Variants in DAB2 observed in about 807,000 individuals in gnomAD.
DAB2 encodes the protein disabled homolog 2.
A neutral mutation model predicts 71.6 loss-of-function variants in DAB2; 28 were observed. That is an observed-to-expected ratio of 0.39 (90% CI 0.29 to 0.54). DAB2 has a LOEUF of 0.54. Ranked by LOEUF, DAB2 falls within the 20% of genes least tolerant of loss-of-function variation. The probability of loss-of-function intolerance (pLI) is 0.68; values close to 1 mark genes in which losing one functional copy is unlikely to be tolerated. For synonymous variants in DAB2, 345 were observed against 339.7 expected (o/e 1.02, Z -0.17); for missense variants, 867 against 928.8 (o/e 0.93, Z 0.86).
chr5:39,381,392 G>GC (rs1454038186), intron 11 of DAB2, 62 bp downstream of exon 11: 14 of 1,513,830 alleles, frequency 9.2e-6, no homozygotes, highest in Admixed American at 1.7e-5. Context: ...CTCTTCCGAT[G>GC]CATCATCATT....
At chr5:39,378,185 G>A (rs1020729736) in intron 11 of DAB2, among the ~76,000 whole-genome samples, 23 of 152,292 alleles carry the variant, frequency 1.5e-4, no homozygotes, top group Middle Eastern at 3.4e-3. Context: ...TCAGGAATTC[G>A]TTAAATCGCC....
At chr5:39,377,305 A>G (rs776473999) in intron 11 of DAB2, 23 bp from the exon 12 acceptor site, 31 of 1,592,376 alleles carry the variant, frequency 1.9e-5, no homozygotes, top group Non-Finnish European at 2.4e-5. Context: ...GAAGAAAAAT[A>G]CTTATCAGGA....
chr5:39,400,057 T>C (rs997579413), intron 1 of DAB2, among the ~76,000 whole-genome samples: 1 of 152,194 alleles, frequency 6.6e-6, no homozygotes, highest in East Asian at 1.9e-4. Context: ...AAAAGTGCTT[T>C]GCCAGTCTCA....
chr5:39,376,339 A>G (rs1754829242), intron 12 of DAB2, among the ~76,000 whole-genome samples: 2 of 152,206 alleles, frequency 1.3e-5, no homozygotes, highest in Admixed American at 1.3e-4. Flanking sequence ...TTTTAAGCTG[A>G]TGGGACATGG....
chr5:39,421,369 T>C (rs1271628229), intron 1 of DAB2, among the ~76,000 whole-genome samples: 1 of 152,124 alleles, frequency 6.6e-6, no homozygotes, highest in Non-Finnish European at 1.5e-5. Context: ...ATTCCAAGTA[T>C]ATTAGATTAG....
At chr5:39,407,682 C>T (rs905606276) in intron 1 of DAB2, among the ~76,000 whole-genome samples, 2 of 152,262 alleles carry the variant, frequency 1.3e-5, no homozygotes, top group African/African-American at 4.8e-5. Flanking sequence ...CCACGTCCCT[C>T]TGTGACTTCA....
At chr5:39,388,878 A>G in intron 7 of DAB2, 26 bp from the exon 8 acceptor site, 1 of 1,590,778 alleles carries the variant, frequency 6.3e-7, no homozygotes, top group Non-Finnish European at 8.6e-7. Context: ...ATATTTAAGG[A>G]TTTAGTTGAG....
rs768253225 is a variant in DAB2, at chr5:39,383,068, G to C, written c.891C>G (p.Asp297Glu). 1 of 1,614,106 alleles carries C rather than the reference G, an allele frequency of 6.2e-7. No homozygotes were observed. The highest frequency in any genetic ancestry group is 8.5e-7 in the Non-Finnish European group (1 of 1,180,002). ...ATTGGTCTGGCTGTGTGAAAGGATC[G>C]TCACGGAAAGGATCAGGATTAGGGG... is the stretch of plus-strand genomic sequence containing the variant. ...FPTPNPDPFRDDPFTQPDQST... is the reference protein window; with the variant it reads ...FPTPNPDPFREDPFTQPDQST... Residue 297 changes from aspartate to glutamate, a missense_variant, in exon 10 of 15, where the codon GAC (aspartate) becomes GAG (glutamate). Coordinates refer to ENST00000320816, the MANE Select transcript of DAB2 (RefSeq NM_001343.4).
intron 14 of DAB2, among the ~76,000 whole-genome samples, chr5:39,373,858 A>AC (rs995399778): frequency 7.9e-5 from 12 of 152,158 alleles, no homozygotes; most frequent in African/African-American, 2.9e-4. Context: ...TTAAATATCT[A>AC]CTTACTGCTT....
rs368756831 is a variant in DAB2, at chr5:39,416,541, G to A, written c.-102+8263C>T. ...TGGCCACCTGCTCTCTGAAGAGGCC[G>A]TTGTCTTCTGTTTCCCCTAAACAGA... On this transcript the variant is annotated intron_variant, in intron 1 of 14. Transcript: ENST00000320816. Among the ~76,000 whole-genome samples, 13 of 152,250 alleles carry A rather than the reference G, an allele frequency of 8.5e-5. No homozygotes were observed. The East Asian group carries it at 1.7e-3, about 20-fold the overall frequency.
Position 39,382,919 on chromosome 5 carries a change from A to T in DAB2, c.1040T>A (p.Phe347Tyr). Residue 347 changes from phenylalanine to tyrosine, a missense_variant, in exon 10 of 15, where the codon TTT becomes TAT. By Grantham distance (22) the Phe-to-Tyr change is conservative (BLOSUM62 3). Coordinates refer to ENST00000320816, the MANE Select transcript of DAB2 (RefSeq NM_001343.4). ...NGDVDYFGQQ[F>Y]DQISNRTGKQ... ...GCCAGTCCGGTTAGAGATCTGGTCAAATTGCTGACCAAAGTAGTCAACATC... is the reference window on the plus strand; with the variant it reads ...GCCAGTCCGGTTAGAGATCTGGTCATATTGCTGACCAAAGTAGTCAACATC... The T allele has an allele frequency of 6.2e-7, 1 of 1,614,148 alleles. No individual in the cohort carries two copies. Among genetic ancestry groups the T allele is most frequent in the Non-Finnish European group, 8.5e-7 (1 of 1,180,018 alleles).
intron 1 of DAB2, among the ~76,000 whole-genome samples, chr5:39,424,258 TC>T (rs80352365): frequency 0.054 from 8,192 of 152,042 alleles, 500 homozygotes; most frequent in African/African-American, 0.15. Context: ...GTTTCTTAAG[TC>T]CCTTGGGTAG....
chr5:39,376,063 G>C lies in DAB2; in HGVS notation c.2181C>G (p.Thr727=). 1 of 1,613,974 alleles carries C rather than the reference G, an allele frequency of 6.2e-7. No homozygotes were observed. The highest frequency in any genetic ancestry group is 8.5e-7 in the Non-Finnish European group (1 of 1,179,948). Reference sequence around the variant, plus strand: ...TCTCAAATGCATTGTCAGTAGATTTGGTAACTGGCAGGGAAACTTGTCTGG... The same window carrying C: ...TCTCAAATGCATTGTCAGTAGATTTCGTAACTGGCAGGGAAACTTGTCTGG... ...PAPRQVSLPV[T]KSTDNAFENP... is the part of the protein sequence containing the mutation. The change falls in exon 13 of 15, where the codon ACC becomes ACG. Residue 727 remains threonine (T), a synonymous_variant. Transcript: ENST00000320816.
chr5:39,391,440 G>C (rs1488694852), intron 4 of DAB2, among the ~76,000 whole-genome samples: 1 of 152,114 alleles, frequency 6.6e-6, no homozygotes, highest in African/African-American at 2.4e-5. Context: ...GACAGATAAA[G>C]GCGACTGATA....
chr5:39,401,709 T>C (rs1755501204), intron 1 of DAB2, among the ~76,000 whole-genome samples: 2 of 151,154 alleles, frequency 1.3e-5, no homozygotes, highest in Non-Finnish European at 2.9e-5. Flanking sequence ...ACACTGCTGT[T>C]AAAGACATAC....
At chr5:39,420,285 A>T (rs572651880) in intron 1 of DAB2, among the ~76,000 whole-genome samples, 1 of 152,362 alleles carries the variant, frequency 6.6e-6, no homozygotes, top group Admixed American at 6.5e-5. Context: ...TTTGGGACTA[A>T]CATTTTGCAT....
At chr5:39,407,412 G>C (rs1405032138) in intron 1 of DAB2, among the ~76,000 whole-genome samples, 1 of 152,172 alleles carries the variant, frequency 6.6e-6, no homozygotes, top group Non-Finnish European at 1.5e-5. Flanking sequence ...TAGAGACAGG[G>C]TTTCACCATT....
intron 1 of DAB2, chr5:39,408,948 G>T (rs1430013572): frequency 6.6e-6 from 1 of 152,102 alleles, no homozygotes; most frequent in Non-Finnish European, 1.5e-5. Flanking sequence ...AATTAGATAG[G>T]TTAATGGATA....
At chr5:39,402,124 G>T (rs1402485808) in intron 1 of DAB2, among the ~76,000 whole-genome samples, 1 of 152,048 alleles carries the variant, frequency 6.6e-6, no homozygotes, top group Non-Finnish European at 1.5e-5. Flanking sequence ...ACTACCAAGA[G>T]AACAGTATGG....
Sources: gnomAD v4.1 joint callset for allele counts (sites outside exome capture counted in the v4.1 genomes callset) on GRCh38, gnomAD v4.1.1 for gene constraint, MANE v1.5 for transcripts, NCBI Gene and HGNC (gene_info 2026-07-23, HGNC 2026-07-21) for gene names.